Variants in PPARGC1A observed in about 807,000 individuals in gnomAD.
PPARGC1A encodes the protein PPARG coactivator 1 alpha.
Under a neutral mutation model 88.7 loss-of-function variants are expected in PPARGC1A, and 25 were observed. The observed-to-expected ratio is 0.28, with a 90% CI of 0.21 to 0.39. The LOEUF (loss-of-function observed/expected upper bound fraction) is 0.39. Ranked by LOEUF, PPARGC1A falls within the 10% of genes least tolerant of loss-of-function variation. The pLI, the probability that PPARGC1A is intolerant of heterozygous loss-of-function variation, is 1.00. For synonymous variants in PPARGC1A, 363 were observed against 355.6 expected, an observed-to-expected ratio of 1.02 and a Z score of -0.24; for missense variants, 880 against 968.7, an observed-to-expected ratio of 0.91 and a Z score of 1.22.
the PPARGC1A span, among the ~76,000 whole-genome samples, chr4:23,936,505 G>C: frequency 4.7e-4 from 72 of 152,288 alleles, no homozygotes; most frequent in African/African-American, 1.7e-3. Flanking sequence ...GGGATGCCAA[G>C]GTGGGCAGAT....
the PPARGC1A span, among the ~76,000 whole-genome samples, chr4:24,329,901 G>A: frequency 6.6e-6 from 1 of 152,108 alleles, no homozygotes; most frequent in Non-Finnish European, 1.5e-5. Flanking sequence ...ACAAACTAGG[G>A]AGTGAGTATT....
chr4:24,271,005 T>G, the PPARGC1A span, among the ~76,000 whole-genome samples: 1 of 152,224 alleles, frequency 6.6e-6, no homozygotes, highest in Non-Finnish European at 1.5e-5. Context: ...TGCAGTCTCA[T>G]ATTTGACATA....
chr4:24,094,481 C>G, the PPARGC1A span, among the ~76,000 whole-genome samples: 2 of 152,142 alleles, frequency 1.3e-5, no homozygotes, highest in African/African-American at 4.8e-5. Flanking sequence ...TCATAAGATA[C>G]TGCATTAAGT....
chr4:24,298,155 G>A, the PPARGC1A span, among the ~76,000 whole-genome samples: 3 of 148,152 alleles, frequency 2.0e-5, no homozygotes, highest in East Asian at 6.0e-4. Context: ...CAGCCAGTTG[G>A]AGAACCAAAA....
the PPARGC1A span, among the ~76,000 whole-genome samples, chr4:23,957,317 TC>T: frequency 1.3e-5 from 2 of 152,100 alleles, no homozygotes; most frequent in African/African-American, 2.4e-5. Context: ...TGTGTCTGTT[TC>T]CCCTAGGAAT....
the PPARGC1A span, among the ~76,000 whole-genome samples, chr4:24,237,046 A>C: frequency 6.6e-6 from 1 of 152,264 alleles, no homozygotes; most frequent in East Asian, 1.9e-4. Flanking sequence ...GGTGCCAAAA[A>C]CATGTAAATT....
At chr4:24,150,438 T>C in the PPARGC1A span, among the ~76,000 whole-genome samples, 2 of 152,218 alleles carry the variant, frequency 1.3e-5, no homozygotes, top group Non-Finnish European at 2.9e-5. Flanking sequence ...CTTTAGCTTT[T>C]GATTAAACAA....
chr4:24,150,180 C>G, the PPARGC1A span, among the ~76,000 whole-genome samples: 4 of 152,234 alleles, frequency 2.6e-5, no homozygotes, highest in African/African-American at 9.6e-5. Flanking sequence ...AAGAGACACA[C>G]CGGGCAGTGT....
At chr4:24,174,709 C>T in the PPARGC1A span, among the ~76,000 whole-genome samples, 14 of 152,286 alleles carry the variant, frequency 9.2e-5, no homozygotes, top group Non-Finnish European at 1.6e-4. Flanking sequence ...GACTGCTGCT[C>T]GGGGCATTTT....
chr4:24,351,157 G>A, the PPARGC1A span, among the ~76,000 whole-genome samples: 3 of 151,666 alleles, frequency 2.0e-5, no homozygotes, highest in African/African-American at 7.3e-5. Flanking sequence ...CTTGAGCCCA[G>A]GAGCCAAAGG....
At chr4:23,994,507 C>T in the PPARGC1A span, among the ~76,000 whole-genome samples, 6 of 151,956 alleles carry the variant, frequency 3.9e-5, no homozygotes, top group South Asian at 2.1e-4. Context: ...GAAGGGGGGG[C>T]GGTGAGAAGA....
chr4:23,809,622 T>A (rs2109414008), intron 10 of PPARGC1A, among the ~76,000 whole-genome samples: 1 of 152,334 alleles, frequency 6.6e-6, no homozygotes, highest in Non-Finnish European at 1.5e-5. Flanking sequence ...AAATTCAATG[T>A]TAATAATATA....
At chr4:24,257,761 T>A in the PPARGC1A span, among the ~76,000 whole-genome samples, 1 of 152,168 alleles carries the variant, frequency 6.6e-6, no homozygotes, top group African/African-American at 2.4e-5. Context: ...ATTCACCTCA[T>A]GGAAACATTC....
chr4:24,445,512 A>G, the PPARGC1A span, among the ~76,000 whole-genome samples: 1 of 152,250 alleles, frequency 6.6e-6, no homozygotes, highest in East Asian at 1.9e-4. Context: ...TTATAAAATA[A>G]TAACAATTTT....
chr4:24,210,304 A>G, the PPARGC1A span, among the ~76,000 whole-genome samples: 1 of 152,250 alleles, frequency 6.6e-6, no homozygotes, highest in Non-Finnish European at 1.5e-5. Flanking sequence ...TCTTAAATAG[A>G]GATCATACCA....
chr4:23,812,172 G>C (rs1721031649), intron 10 of PPARGC1A, among the ~76,000 whole-genome samples: 1 of 151,598 alleles, frequency 6.6e-6, no homozygotes, highest in Admixed American at 6.6e-5. Context: ...CAAACTTCTG[G>C]CCTTAAGTGA....
At chr4:24,121,036 C>T in the PPARGC1A span, among the ~76,000 whole-genome samples, 1 of 152,190 alleles carries the variant, frequency 6.6e-6, no homozygotes, top group Non-Finnish European at 1.5e-5. Flanking sequence ...AGTTGCCATT[C>T]CTGTAAGCTA....
Position 23,886,933 on chromosome 4 carries a change from T to C in PPARGC1A, c.55-2002A>G, listed in dbSNP as rs561521368. 2.0e-5 allele frequency among the ~76,000 whole-genome samples: 3 copies of C among 152,080 alleles called. No individual in the cohort carries two copies. In the South Asian group the frequency reaches 6.2e-4, roughly 32 times the overall value. ...AATAATCAAGAAAATGTAGGCTGTC[T>C]ACATATGGCTTAAGTTCCTGTTGTG... On this transcript the variant is annotated intron_variant, in intron 1 of 12. Transcript: ENST00000264867.
chr4:23,812,688 A>G, intron 10 of PPARGC1A, 59 bp downstream of exon 10: 1 of 1,600,326 alleles, frequency 6.2e-7, no homozygotes, highest in African/African-American at 1.4e-5. Flanking sequence ...CACCAAAAAA[A>G]GCACACAGAA....
Sources: allele counts gnomAD v4.1 joint callset (sites outside exome capture counted in the v4.1 genomes callset), GRCh38; gene constraint gnomAD v4.1.1; transcripts MANE v1.5; gene names NCBI Gene and HGNC (gene_info 2026-07-23, HGNC 2026-07-21).